GREB1: variants seen among roughly 807,000 people sequenced by gnomAD.
GREB1 encodes the protein protein GREB1.
A neutral mutation model predicts 200.7 loss-of-function variants in GREB1; 106 were observed. The observed-to-expected ratio is 0.53, with a 90% CI of 0.45 to 0.62. GREB1 has a LOEUF of 0.62. Among genes scored for constraint, GREB1 ranks in the 20% least tolerant of loss-of-function variants. The pLI is 0.00. For synonymous variants in GREB1, 1,132 were observed against 1,092.4 expected, an observed-to-expected ratio of 1.04 and a Z score of -0.72; for missense variants, 2,243 against 2,556.8, an observed-to-expected ratio of 0.88 and a Z score of 2.65.
In GREB1 at chr2:11,580,405, T is replaced by C. The variant is rs1399078610; in HGVS notation, c.773-299T>C. Among the ~76,000 whole-genome samples the C allele has an allele frequency of 2.6e-5, 4 of 152,088 alleles. No homozygotes were observed. The highest frequency in any genetic ancestry group is 5.9e-5 in the Non-Finnish European group (4 of 68,020). The stretch of plus-strand genomic sequence containing the variant: ...GAGGGTGCATGTTCCTGGGAGTGCA[T>C]GTATATAGGCATGTGTTTGTGCATG... On this transcript the variant is annotated intron_variant, in intron 6 of 32. Transcript: ENST00000381486. The surrounding 1 kb of genome is among the most constrained non-coding windows in gnomAD (Gnocchi z 4.5).
intron 1 of GREB1, among the ~76,000 whole-genome samples, chr2:11,505,180 C>A (rs1166776075): frequency 2.0e-5 from 3 of 152,160 alleles, no homozygotes; most frequent in African/African-American, 7.2e-5. Flanking sequence ...GATCCACCTG[C>A]CTCGGCCTCC....
rs1216400958 is a variant in GREB1, at chr2:11,627,724, C to T, written c.4449+620C>T. 2.6e-5 allele frequency among the ~76,000 whole-genome samples: 4 copies of T among 152,220 alleles called. No individual in the cohort carries two copies. In the East Asian group the frequency reaches 7.7e-4, roughly 29 times the overall value. On this transcript the variant is annotated intron_variant, in intron 25 of 32. Coordinates refer to ENST00000381486, the MANE Select transcript of GREB1 (RefSeq NM_014668.4). ...TCCTGACCCAGGGCTCTGGCTGCCT[C>T]AGGCCCTGGTGGGTCACCTGAAGCC...
intron 1 of GREB1, among the ~76,000 whole-genome samples, chr2:11,526,196 T>C (rs1673869136): frequency 6.6e-6 from 1 of 152,220 alleles, no homozygotes; most frequent in Non-Finnish European, 1.5e-5. Context: ...GCACTCATCT[T>C]TGCCACATTT....
At chr2:11,568,963 G>A (rs946341987) in intron 4 of GREB1, among the ~76,000 whole-genome samples, 5 of 152,190 alleles carry the variant, frequency 3.3e-5, no homozygotes, top group Non-Finnish European at 5.9e-5. Context: ...AAGGTGGTCC[G>A]CTCCAGCCCT....
intron 1 of GREB1, among the ~76,000 whole-genome samples, chr2:11,546,384 C>G (rs2147784093): frequency 6.6e-6 from 1 of 152,250 alleles, no homozygotes; most frequent in East Asian, 1.9e-4. Flanking sequence ...TAAATACACA[C>G]ATATATATGT....
At chr2:11,573,343 T>G (rs1489945853) in intron 4 of GREB1, among the ~76,000 whole-genome samples, 1 of 152,208 alleles carries the variant, frequency 6.6e-6, no homozygotes, top group Non-Finnish European at 1.5e-5. Context: ...ATGGACTGTT[T>G]TCCATGGTGA....
chr2:11,522,396 G>C (rs555549623), intron 1 of GREB1, among the ~76,000 whole-genome samples: 3 of 152,292 alleles, frequency 2.0e-5, no homozygotes, highest in African/African-American at 7.2e-5. Flanking sequence ...TGTTTTTGCA[G>C]CTAATGCTTT....
In GREB1 at chr2:11,610,916, G is replaced by A. The variant is rs770071029; in HGVS notation, c.2895G>A (p.Glu965=). The A allele has an allele frequency of 6.2e-7, 1 of 1,612,606 alleles. No individual in the cohort carries two copies. The highest frequency in any genetic ancestry group is 8.5e-7 in the Non-Finnish European group (1 of 1,179,666). ...CGCCCCTGGCGGTGGTGGCCTATGAGCGGCTGGCCCACGTGCGGGCCCGGC... is the reference window on the plus strand; with the variant it reads ...CGCCCCTGGCGGTGGTGGCCTATGAACGGCTGGCCCACGTGCGGGCCCGGC... ...PCSPLAVVAY[E]RLAHVRARLA... Residue 965 remains glutamate, a synonymous_variant, in exon 18 of 33, where the codon GAG becomes GAA. Transcript: ENST00000381486.
At chr2:11,551,525 C>A (rs760002682) in intron 1 of GREB1, among the ~76,000 whole-genome samples, 1 of 152,200 alleles carries the variant, frequency 6.6e-6, no homozygotes, top group African/African-American at 2.4e-5. Context: ...CTGATTTTCA[C>A]CCTTGGGTTT....
At chr2:11,616,748 G>T in intron 21 of GREB1, 28 bp downstream of exon 21, 1 of 1,334,382 alleles carries the variant, frequency 7.5e-7, no homozygotes, top group South Asian at 1.2e-5. Flanking sequence ...GGAAGGACCA[G>T]ACCAGCAGAC....
At chr2:11,591,715 C>T (rs1008146206) in intron 10 of GREB1, 6 of 447,736 alleles carry the variant, frequency 1.3e-5, no homozygotes, top group African/African-American at 1.0e-4. Flanking sequence ...AAGTAACGTT[C>T]TATATGTCAA....
chr2:11,539,458 C>T (rs775519427), intron 1 of GREB1, among the ~76,000 whole-genome samples: 2 of 152,126 alleles, frequency 1.3e-5, no homozygotes, highest in Non-Finnish European at 2.9e-5. Flanking sequence ...GGCACGTGCT[C>T]GCTTATGTGG....
At chr2:11,594,724 G>A (rs981772562) in intron 11 of GREB1, among the ~76,000 whole-genome samples, 2 of 151,716 alleles carry the variant, frequency 1.3e-5, no homozygotes, top group African/African-American at 2.4e-5. Context: ...ACAGAGTCTC[G>A]CTCTGTCGCC....
At chr2:11,503,330 A>G (rs1394886308) in intron 1 of GREB1, among the ~76,000 whole-genome samples, 1 of 152,132 alleles carries the variant, frequency 6.6e-6, no homozygotes, top group Non-Finnish European at 1.5e-5. Flanking sequence ...TGTAAATGGC[A>G]TTGTTCATAT....
intron 7 of GREB1, among the ~76,000 whole-genome samples, chr2:11,584,445 G>A (rs1373963110): frequency 1.3e-5 from 2 of 152,076 alleles, no homozygotes; most frequent in East Asian, 1.9e-4. Context: ...GCCCCCAAGC[G>A]GTGGAGCTGT....
chr2:11,504,726 A>C (rs1205396607), intron 1 of GREB1, among the ~76,000 whole-genome samples: 1 of 152,202 alleles, frequency 6.6e-6, no homozygotes, highest in Non-Finnish European at 1.5e-5. Context: ...CATTGTATGG[A>C]TAGATCACAT....
intron 7 of GREB1, among the ~76,000 whole-genome samples, chr2:11,583,115 C>A (rs927789433): frequency 2.0e-5 from 3 of 152,172 alleles, no homozygotes; most frequent in Non-Finnish European, 4.4e-5. Context: ...GGGAGCAGTT[C>A]CTGGTGACAT....
At chr2:11,628,933 C>T (rs560682587) in intron 25 of GREB1, among the ~76,000 whole-genome samples, 13 of 152,328 alleles carry the variant, frequency 8.5e-5, no homozygotes, top group Middle Eastern at 3.4e-3. Context: ...GCAGAGGCCG[C>T]GTGGCCCCCT....
At chr2:11,508,234 A>G (rs1673237801) in intron 1 of GREB1, among the ~76,000 whole-genome samples, 1 of 152,106 alleles carries the variant, frequency 6.6e-6, no homozygotes, top group Non-Finnish European at 1.5e-5. Flanking sequence ...CTATCCCTAG[A>G]TCTTCCTTCT....
Sources: gnomAD v4.1 joint callset for allele counts (sites outside exome capture counted in the v4.1 genomes callset) on GRCh38, gnomAD v4.1.1 for gene constraint, Gnocchi (gnomAD v3.1) non-coding constraint, MANE v1.5 for transcripts, NCBI Gene and HGNC (gene_info 2026-07-23, HGNC 2026-07-21) for gene names.